Variants in LIMCH1 observed in about 807,000 individuals in gnomAD.
LIMCH1 encodes LIM and calponin homology domains 1.
A neutral mutation model predicts 176.5 loss-of-function variants in LIMCH1; 113 were observed. The ratio of observed to expected loss-of-function variants is 0.64; its 90% CI spans 0.55 to 0.75. LIMCH1 has a LOEUF of 0.75. Among genes scored for constraint, LIMCH1 ranks in the 30% least tolerant of loss-of-function variants. The pLI is 0.00. For missense variants in LIMCH1, 1,674 were observed against 1,814.9 expected (o/e 0.92, Z 1.41); for synonymous variants, 619 against 645.9 (o/e 0.96, Z 0.63).
intron 1 of LIMCH1, among the ~76,000 whole-genome samples, chr4:41,405,246 C>A (rs2058842534): frequency 6.6e-6 from 1 of 152,136 alleles, no homozygotes; most frequent in African/African-American, 2.4e-5. Context: ...CTATCCCAGT[C>A]TATTAGCATT....
At chr4:41,508,477 G>C (rs1299371261) in intron 2 of LIMCH1, among the ~76,000 whole-genome samples, 8 of 152,132 alleles carry the variant, frequency 5.3e-5, no homozygotes, top group Non-Finnish European at 7.4e-5. Context: ...TGAGGGCCTG[G>C]CTCTTAGAGG....
intron 14 of LIMCH1, among the ~76,000 whole-genome samples, chr4:41,644,231 T>C (rs1381945748): frequency 1.3e-5 from 2 of 152,188 alleles, no homozygotes; most frequent in Admixed American, 1.3e-4. Context: ...CACCTACATA[T>C]AAAATGATAT....
intron 1 of LIMCH1, among the ~76,000 whole-genome samples, chr4:41,365,512 C>T (rs2052832237): frequency 6.6e-6 from 1 of 152,146 alleles, no homozygotes; most frequent in South Asian, 2.1e-4. Context: ...ATAAGTTATA[C>T]ATGTAGTCAT....
At chr4:41,673,598 G>T (rs2095122749) in intron 22 of LIMCH1, among the ~76,000 whole-genome samples, 1 of 152,240 alleles carries the variant, frequency 6.6e-6, no homozygotes, top group East Asian at 1.9e-4. Context: ...GCTATTTTTG[G>T]TCAGTCTTGG....
intron 1 of LIMCH1, among the ~76,000 whole-genome samples, chr4:41,365,685 T>C (rs1345130424): frequency 2.0e-5 from 3 of 152,220 alleles, no homozygotes; most frequent in Admixed American, 6.5e-5. Context: ...TGAATAGATA[T>C]GTAAATGAGA....
At chr4:41,494,464 C>T in intron 1 of LIMCH1, 12 of 1,015,468 alleles carry the variant, frequency 1.2e-5, no homozygotes, top group South Asian at 2.7e-5. Context: ...TACACACACA[C>T]ATATATATAT....
chr4:41,369,552 G>A (rs1047860384), intron 1 of LIMCH1, among the ~76,000 whole-genome samples: 8 of 152,234 alleles, frequency 5.3e-5, no homozygotes, highest in East Asian at 3.9e-4. Flanking sequence ...GCTTAAACCC[G>A]ACTGCCTCTG....
At chr4:41,682,529 G>T in intron 26 of LIMCH1, 69 bp downstream of exon 26, 1 of 1,483,870 alleles carries the variant, frequency 6.7e-7, no homozygotes, top group African/African-American at 1.4e-5. Flanking sequence ...GCTCAGGAAG[G>T]GTACTCATTG....
At chr4:41,505,955 C>CAG (rs1417428418) in intron 2 of LIMCH1, among the ~76,000 whole-genome samples, 1 of 151,710 alleles carries the variant, frequency 6.6e-6, no homozygotes, top group African/African-American at 2.4e-5. Context: ...CACACACACA[C>CAG]ACACACACAC....
intron 21 of LIMCH1, among the ~76,000 whole-genome samples, chr4:41,668,922 A>T (rs939208708): frequency 6.6e-6 from 1 of 152,150 alleles, no homozygotes; most frequent in Non-Finnish European, 1.5e-5. Context: ...AGACTTATTC[A>T]CTATCACAAG....
chr4:41,393,117 G>T (rs2057428513), intron 1 of LIMCH1, among the ~76,000 whole-genome samples: 1 of 152,222 alleles, frequency 6.6e-6, no homozygotes, highest in Non-Finnish European at 1.5e-5. Flanking sequence ...GCAAAGAAAA[G>T]ATGTTTACTT....
chr4:41,468,588 A>G (rs1452970018), intron 1 of LIMCH1, among the ~76,000 whole-genome samples: 1 of 151,802 alleles, frequency 6.6e-6, no homozygotes, highest in African/African-American at 2.4e-5. Flanking sequence ...GCTTCCCCAG[A>G]TCTTTTAGAG....
At chr4:41,390,255 A>G (rs1205801935) in intron 1 of LIMCH1, among the ~76,000 whole-genome samples, 1 of 151,442 alleles carries the variant, frequency 6.6e-6, no homozygotes, top group East Asian at 1.9e-4. Context: ...AGAGAGAGAG[A>G]GAGAGAGAGA....
rs145831309 is a variant in LIMCH1, at chr4:41,439,883, G to A, written c.97-54653G>A. ...CATGCCATTGTAGTCCAGCCTGGGC[G>A]ACAGGGCAAAACTCCATCTCAAAAA... On this transcript the variant is annotated intron_variant, in intron 1 of 26. Transcript: ENST00000313860. Among the ~76,000 whole-genome samples the A allele has an allele frequency of 7.1e-3, 1,080 of 152,208 alleles. 9 individuals are homozygous for A. The highest frequency in any genetic ancestry group is 0.012 in the Non-Finnish European group (814 of 68,012).
At chr4:41,492,394 G>T (rs1019795776) in intron 1 of LIMCH1, among the ~76,000 whole-genome samples, 2 of 142,644 alleles carry the variant, frequency 1.4e-5, no homozygotes, top group Admixed American at 1.4e-4. Flanking sequence ...GAGGGAGACC[G>T]TAGAAAGAGG....
chr4:41,631,774 C>T (rs951120971), intron 10 of LIMCH1, among the ~76,000 whole-genome samples: 7 of 152,116 alleles, frequency 4.6e-5, no homozygotes, highest in African/African-American at 1.7e-4. Context: ...GTTGAAAATA[C>T]CAAATGAGCT....
At chr4:41,559,679 C>T (rs1584099579) in intron 1 of LIMCH1, among the ~76,000 whole-genome samples, 1 of 152,246 alleles carries the variant, frequency 6.6e-6, no homozygotes. Context: ...GTCACTAACC[C>T]CCATCAGCTA....
chr4:41,444,609 T>C (rs2063084140), intron 1 of LIMCH1, among the ~76,000 whole-genome samples: 1 of 152,072 alleles, frequency 6.6e-6, no homozygotes, highest in African/African-American at 2.4e-5. Context: ...CAGTGGTCTT[T>C]CCCTTCCCAA....
At chr4:41,628,857 A>G (rs1050741591) in intron 8 of LIMCH1, among the ~76,000 whole-genome samples, 2 of 152,224 alleles carry the variant, frequency 1.3e-5, no homozygotes, top group Non-Finnish European at 2.9e-5. Flanking sequence ...CAATCCAGGT[A>G]AAGAGGAATA....
Sources: gnomAD v4.1 joint callset for allele counts (sites outside exome capture counted in the v4.1 genomes callset) on GRCh38, gnomAD v4.1.1 for gene constraint, MANE v1.5 for transcripts, NCBI Gene and HGNC (gene_info 2026-07-23, HGNC 2026-07-21) for gene names.